Variants in DNAH12 observed in about 807,000 individuals in gnomAD.
DNAH12 encodes the protein axonemal beta dynein heavy chain 12.
DNAH12 carries 285 observed loss-of-function variants against 371.5 expected under a neutral mutation model. The observed-to-expected ratio is 0.77, with a 90% confidence interval of 0.70 to 0.85. The LOEUF (loss-of-function observed/expected upper bound fraction) is 0.85, where lower values mean the gene tolerates loss of function less well. DNAH12 is among the 40% of genes least tolerant of loss of function. The pLI, the probability that DNAH12 is intolerant of heterozygous loss-of-function variation, is 0.00. For synonymous variants in DNAH12, 1,200 were observed against 1,213.0 expected (o/e 0.99, Z 0.22); for missense variants, 3,611 against 3,689.4 (o/e 0.98, Z 0.55).
intron 25 of DNAH12, among the ~76,000 whole-genome samples, chr3:57,447,971 G>A (rs915924700): frequency 9.9e-5 from 15 of 152,158 alleles, no homozygotes; most frequent in Admixed American, 9.8e-4. Flanking sequence ...TACCACACCT[G>A]GCCAACCTAT....
chr3:57,448,611 A>C (rs1329890757), intron 25 of DNAH12, among the ~76,000 whole-genome samples: 2 of 152,190 alleles, frequency 1.3e-5, no homozygotes, highest in Admixed American at 6.5e-5. Context: ...ATAGAACCCG[A>C]CCATGTTGCC....
chr3:57,359,501 G>A (rs1247185529), intron 58 of DNAH12, among the ~76,000 whole-genome samples: 2 of 146,760 alleles, frequency 1.4e-5, no homozygotes, highest in East Asian at 2.0e-4. Context: ...AGAGGTTGCT[G>A]TGAGCCGAGA....
At chr3:57,419,639 G>T in intron 36 of DNAH12, 121 bp from the exon 37 acceptor site, 1 of 599,926 alleles carries the variant, frequency 1.7e-6, no homozygotes, top group Non-Finnish European at 2.5e-6. Context: ...CCCTTTTAAT[G>T]AAATATTACA....
intron 62 of DNAH12, among the ~76,000 whole-genome samples, chr3:57,327,829 A>G (rs1205246956): frequency 6.6e-6 from 1 of 152,254 alleles, no homozygotes; most frequent in Non-Finnish European, 1.5e-5. Flanking sequence ...TAATAAAGAA[A>G]AAAAAGAGAG....
chr3:57,342,334 G>A (rs536784840), intron 60 of DNAH12, among the ~76,000 whole-genome samples: 1 of 151,938 alleles, frequency 6.6e-6, no homozygotes, highest in Admixed American at 6.6e-5. Flanking sequence ...ACAACCTACA[G>A]AATGGGAGAA....
rs1016661188 is a variant in DNAH12 at position 57,408,592 on chromosome 3, A to G, written c.6021-57T>C. On this transcript the variant is annotated intron_variant, in intron 39 of 73. Coordinates refer to ENST00000495027, the MANE Select transcript of DNAH12 (RefSeq NM_001366028.2). ...TCTGTTATAAAGACATTAAGATGGG[A>G]TGAAATATAGATCTCCCAAGAAATT... is the stretch of plus-strand genomic sequence containing the variant. The G allele has an allele frequency of 8.5e-6, 12 of 1,409,516 alleles. No individual in the cohort carries two copies. In the African/African-American group the frequency reaches 1.5e-4, roughly 17 times the overall value. The allele number at this position is 1,409,516 out of a possible 1,614,324, so 87.3% of individuals were successfully genotyped here. A position where few individuals can be genotyped will look rare whatever the true frequency, so the allele number is the denominator to read the frequency against.
chr3:57,447,447 G>C lies in DNAH12; in HGVS notation c.3787-758C>G, dbSNP rs533658080. Among the ~76,000 whole-genome samples, 54 of 152,238 alleles carry C rather than the reference G, an allele frequency of 3.5e-4. 2 individuals are homozygous for C. The South Asian group carries it at 0.011, about 31-fold the overall frequency. ...TCAAATTTAACTTCTTTTAGAAAAA[G>C]TACGGCTAAGTGACCAAGGCTGTGC... On this transcript the variant is annotated intron_variant, in intron 25 of 73. Coordinates refer to ENST00000495027, the MANE Select transcript of DNAH12 (RefSeq NM_001366028.2).
At chr3:57,487,703 A>G (rs1456152365) in intron 12 of DNAH12, among the ~76,000 whole-genome samples, 1 of 152,190 alleles carries the variant, frequency 6.6e-6, no homozygotes, top group Non-Finnish European at 1.5e-5. Context: ...AGGAGGAATC[A>G]AAGAATAAAC....
At chr3:57,488,714 A>G (rs931725797) in intron 12 of DNAH12, among the ~76,000 whole-genome samples, 1 of 152,182 alleles carries the variant, frequency 6.6e-6, no homozygotes, top group Non-Finnish European at 1.5e-5. Flanking sequence ...GGTGCTATAC[A>G]TACATTAGTT....
At chr3:57,523,745 T>C in intron 3 of DNAH12, 58 bp downstream of exon 3, 1 of 1,474,018 alleles carries the variant, frequency 6.8e-7, no homozygotes, top group Non-Finnish European at 9.2e-7. Context: ...GAGATTGTCT[T>C]AACTACAAAT....
At position 57,446,541 on chromosome 3, in the gene DNAH12, C is replaced by G. The variant is rs539816766; in HGVS notation, c.3935G>C (p.Gly1312Ala). ...TTGATTCAGCAATTTAACTACCTTT[C>G]CCATTGCTAGATAATCTAGCCCATC... ...CSDGLDYLAMGKFFKGLASSG... is the reference protein window; with the variant it reads ...CSDGLDYLAMAKFFKGLASSG... The change falls in exon 26 of 74, where the codon GGA becomes GCA. Residue 1312 changes from glycine (G) to alanine (A), a missense_variant. Physicochemically the swap from Gly to Ala is moderately conservative, Grantham distance 60. Coordinates refer to ENST00000495027, the MANE Select transcript of DNAH12 (RefSeq NM_001366028.2). 2 of 1,525,056 alleles carry G rather than the reference C, an allele frequency of 1.3e-6. No individual in the cohort carries two copies. The highest frequency in any genetic ancestry group is 4.9e-5 in the East Asian group (2 of 40,542). The allele number at this position is 1,525,056 out of a possible 1,614,324, so 94.5% of individuals were successfully genotyped here. A position where few individuals can be genotyped will look rare whatever the true frequency, so the allele number is the denominator to read the frequency against.
At chr3:57,318,995 CCATGAA>C (rs2061745985) in intron 65 of DNAH12, among the ~76,000 whole-genome samples, 1 of 152,084 alleles carries the variant, frequency 6.6e-6, no homozygotes. Flanking sequence ...GTCTTCCAAT[CCATGAA>C]CATGGGATAT....
At chr3:57,517,832 C>A (rs907924877) in intron 4 of DNAH12, among the ~76,000 whole-genome samples, 3 of 151,514 alleles carry the variant, frequency 2.0e-5, no homozygotes, top group Non-Finnish European at 4.4e-5. Context: ...GGATCCCTTT[C>A]AGCTCAGGAG....
intron 12 of DNAH12, among the ~76,000 whole-genome samples, chr3:57,488,604 T>C (rs990574892): frequency 6.6e-6 from 1 of 152,170 alleles, no homozygotes; most frequent in Non-Finnish European, 1.5e-5. Context: ...CAAATTCATG[T>C]CTTTCTGATT....
chr3:57,379,945 A>C (rs1045118632), intron 51 of DNAH12, among the ~76,000 whole-genome samples: 2 of 151,720 alleles, frequency 1.3e-5, no homozygotes, highest in Non-Finnish European at 2.9e-5. Flanking sequence ...TGAATAGAAA[A>C]TAATATGCTA....
At chr3:57,314,072 A>G (rs1464471653) in intron 66 of DNAH12, among the ~76,000 whole-genome samples, 1 of 152,180 alleles carries the variant, frequency 6.6e-6, no homozygotes, top group African/African-American at 2.4e-5. Context: ...AAAGTAGACA[A>G]GCTGTTTCTG....
chr3:57,478,163 T>A (rs1022756647), intron 13 of DNAH12, among the ~76,000 whole-genome samples: 6 of 151,728 alleles, frequency 4.0e-5, no homozygotes, highest in Non-Finnish European at 2.9e-5. Context: ...GGCAAAGAAG[T>A]TAAAGACCTT....
At chr3:57,311,404 CTG>C in intron 66 of DNAH12, among the ~76,000 whole-genome samples, 1 of 152,254 alleles carries the variant, frequency 6.6e-6, no homozygotes, top group East Asian at 1.9e-4. Flanking sequence ...AATTGCTTGT[CTG>C]TGTCTCTAAT....
At chr3:57,359,628 G>C (rs1282607513) in intron 58 of DNAH12, among the ~76,000 whole-genome samples, 2 of 150,840 alleles carry the variant, frequency 1.3e-5, no homozygotes, top group Non-Finnish European at 3.0e-5. Flanking sequence ...TGTTAAAAGA[G>C]GGCAACTCAT....
Sources: gnomAD v4.1 joint callset for allele counts (sites outside exome capture counted in the v4.1 genomes callset) on GRCh38, gnomAD v4.1.1 for gene constraint, MANE v1.5 for transcripts, NCBI Gene and HGNC (gene_info 2026-07-23, HGNC 2026-07-21) for gene names.